MAST2: variants seen among roughly 807,000 people sequenced by gnomAD.
MAST2 encodes the protein microtubule-associated serine/threonine-protein kinase 2.
A neutral mutation model predicts 147.4 loss-of-function variants in MAST2; 70 were observed. The observed-to-expected ratio is 0.47, with a 90% CI of 0.39 to 0.58. MAST2 has a LOEUF of 0.58. Ranked by LOEUF, MAST2 falls within the 20% of genes least tolerant of loss-of-function variation. The probability of loss-of-function intolerance (pLI) is 0.00; values close to 1 mark genes in which losing one functional copy is unlikely to be tolerated. For synonymous variants in MAST2, 869 were observed against 896.8 expected, an observed-to-expected ratio of 0.97 and a Z score of 0.55; for missense variants, 2,080 against 2,302.3, an observed-to-expected ratio of 0.90 and a Z score of 1.98.
chr1:45,891,170 A>G (rs1440032665), intron 4 of MAST2, among the ~76,000 whole-genome samples: 1 of 152,186 alleles, frequency 6.6e-6, no homozygotes, highest in East Asian at 1.9e-4. Flanking sequence ...TTCACTGTAC[A>G]GAATTGATCA....
intron 1 of MAST2, among the ~76,000 whole-genome samples, chr1:45,816,621 A>G (rs1296654647): frequency 6.6e-6 from 1 of 152,192 alleles, no homozygotes; most frequent in Non-Finnish European, 1.5e-5. Context: ...CAGTTGATAT[A>G]CTAAGGAATG....
In MAST2 at chr1:46,006,343, G is replaced by T; in HGVS notation, c.850G>T (p.Asp284Tyr). Residue 284 changes from aspartate (D) to tyrosine (Y), a missense_variant, in exon 8 of 29, where the codon GAT becomes TAT. Transcript: ENST00000361297. ...GCATTTCAGCACAGAGAGCGTACCA[G>T]ATGAGGAAGGACGGCAGTCCCCAGC... ...TKHFSTESVP[D>Y]EEGRQSPAMR... is the part of the protein sequence containing the mutation. The T allele has an allele frequency of 6.2e-7, 1 of 1,613,880 alleles. No homozygotes were observed. Among genetic ancestry groups the T allele is most frequent in the Non-Finnish European group, 8.5e-7 (1 of 1,179,854 alleles).
chr1:45,865,010 C>CT (rs1646097705), intron 3 of MAST2: 1 of 434,090 alleles, frequency 2.3e-6, no homozygotes, highest in African/African-American at 2.0e-5. Context: ...TAGTGGTGTG[C>CT]TGAAAGGATT....
chr1:45,964,281 A>G (rs1053054324), intron 5 of MAST2, among the ~76,000 whole-genome samples: 1 of 152,182 alleles, frequency 6.6e-6, no homozygotes, highest in Non-Finnish European at 1.5e-5. Context: ...GAATAGTTTC[A>G]GAAGGAATAG....
intron 3 of MAST2, among the ~76,000 whole-genome samples, chr1:45,852,189 G>A (rs1255221013): frequency 6.6e-6 from 1 of 152,056 alleles, no homozygotes; most frequent in Non-Finnish European, 1.5e-5. Flanking sequence ...TACAAGTCAT[G>A]CAATCTCATC....
At chr1:46,022,427 G>A (rs1571245257) in intron 12 of MAST2, among the ~76,000 whole-genome samples, 1 of 152,176 alleles carries the variant, frequency 6.6e-6, no homozygotes, top group South Asian at 2.1e-4. Flanking sequence ...CACCTTACAG[G>A]TCTTCCTGTG....
chr1:45,832,452 A>T (rs570279816), intron 3 of MAST2, among the ~76,000 whole-genome samples: 9 of 151,566 alleles, frequency 5.9e-5, no homozygotes, highest in Non-Finnish European at 1.3e-4. Context: ...GTGCCACCTC[A>T]CCTGGCTATT....
chr1:45,939,690 C>T (rs567964860), intron 4 of MAST2, among the ~76,000 whole-genome samples: 2 of 152,162 alleles, frequency 1.3e-5, no homozygotes, highest in Admixed American at 6.5e-5. Flanking sequence ...CAGGCATGCA[C>T]CACCACACCT....
Position 45,931,377 on chromosome 1 carries a change from G to GTTTTTTTTTTTTTTTT in MAST2, c.501-28002_501-27987dup, listed in dbSNP as rs71587091. On this transcript the variant is annotated intron_variant, in intron 4 of 28. Transcript: ENST00000361297. Reference sequence around the variant, plus strand: ...TCACAAAAAGGTGGTATTGTGTTCTGTTTTTTTTTTTTTTTTTTTTTTGAG... The same window carrying GTTTTTTTTTTTTTTTT: ...TCACAAAAAGGTGGTATTGTGTTCTGTTTTTTTTTTTTTTTTTTTTTTTTTTTTTTTTTTTTTTGAG... 2.9e-4 allele frequency among the ~76,000 whole-genome samples: 29 copies of GTTTTTTTTTTTTTTTT among 101,176 alleles called. 1 individual carries two copies. The highest frequency in any genetic ancestry group is 4.0e-4 in the Non-Finnish European group (22 of 54,366). The allele number at this position is 101,176 out of a possible 152,430, so 66.4% of individuals were successfully genotyped here.
Position 45,813,658 on chromosome 1 carries a change from C to T in MAST2, c.177+9586C>T, listed in dbSNP as rs539129457. On this transcript the variant is annotated intron_variant, in intron 1 of 28. Transcript: ENST00000361297. The stretch of plus-strand genomic sequence containing the variant: ...GGATTACAGGCTTCTGCCACCACAC[C>T]TGGCTAATTTTTATATTTTTAGTAG... Among the ~76,000 whole-genome samples, 10 of 152,166 alleles carry T rather than the reference C, an allele frequency of 6.6e-5. No individual in the cohort carries two copies. The South Asian group carries it at 2.1e-3, about 32-fold the overall frequency.
chr1:45,900,178 A>AAAAAAAAC (rs1649521166), intron 4 of MAST2, among the ~76,000 whole-genome samples: 1 of 126,484 alleles, frequency 7.9e-6, no homozygotes, highest in African/African-American at 3.3e-5. Flanking sequence ...TCTCTCAAAA[A>AAAAAAAAC]AAAAAAAAAA....
chr1:45,824,384 T>A (rs1452185901), intron 1 of MAST2, 49 bp from the exon 2 acceptor site: 1 of 1,468,382 alleles, frequency 6.8e-7, no homozygotes, highest in East Asian at 2.3e-5. Flanking sequence ...GTTTTTATAC[T>A]TCAGAGGAGA....
rs758461401 is a variant in MAST2, at chr1:46,019,599, C to CA, written c.1193dup (p.His398GlnfsTer2). 3.7e-6 allele frequency: 6 copies of CA among 1,613,818 alleles called. No homozygotes were observed. Among genetic ancestry groups the CA allele is most frequent in the Non-Finnish European group, 4.2e-6 (5 of 1,179,782 alleles). On this transcript the variant is annotated frameshift_variant, in exon 11 of 29. Coordinates refer to ENST00000361297, the MANE Select transcript of MAST2 (RefSeq NM_015112.3). LOFTEE classifies it high-confidence loss of function. The stretch of plus-strand genomic sequence containing the variant: ...GCAACGCTTCTTTTCTCTATAGGCT[C>CA]ATGAGCGCTCAGAGAGCTCAGAAGT...
chr1:45,908,943 GT>G (rs1310675177), intron 4 of MAST2, among the ~76,000 whole-genome samples: 1 of 152,072 alleles, frequency 6.6e-6, no homozygotes, highest in Non-Finnish European at 1.5e-5. Context: ...TGTATATTTT[GT>G]CTATTCTTAT....
intron 1 of MAST2, among the ~76,000 whole-genome samples, chr1:45,820,791 G>T (rs1027944648): frequency 1.4e-5 from 2 of 142,396 alleles, no homozygotes; most frequent in Non-Finnish European, 3.0e-5. Flanking sequence ...ATGCCTTTTA[G>T]GATTTGATGT....
Position 46,006,309 on chromosome 1 carries a change from T to C in MAST2, c.816T>C (p.Phe272=). 2 of 1,613,934 alleles carry C rather than the reference T, an allele frequency of 1.2e-6. No individual in the cohort carries two copies. The highest frequency in any genetic ancestry group is 1.7e-6 in the Non-Finnish European group (2 of 1,179,894). The part of the protein sequence containing the change: ...PFQPTADELH[F]LTKHFSTESV... ...AGCCTACAGCTGATGAGCTGCACTT[T>C]TTGACGAAGCATTTCAGCACAGAGA... Residue 272 remains phenylalanine, a synonymous_variant, in exon 8 of 29, where the codon TTT becomes TTC. Coordinates refer to ENST00000361297, the MANE Select transcript of MAST2 (RefSeq NM_015112.3).
chr1:45,854,916 A>T (rs1337050570), intron 3 of MAST2, among the ~76,000 whole-genome samples: 2 of 152,224 alleles, frequency 1.3e-5, no homozygotes, highest in East Asian at 3.8e-4. Context: ...GATACAGATG[A>T]ACCACCAGGT....
intron 16 of MAST2, among the ~76,000 whole-genome samples, chr1:46,026,559 C>A (rs1298858512): frequency 3.3e-5 from 5 of 151,988 alleles, no homozygotes; most frequent in Non-Finnish European, 7.4e-5. Context: ...GCTCACTCTG[C>A]CGGTGAAAAG....
intron 4 of MAST2, among the ~76,000 whole-genome samples, chr1:45,903,806 G>A (rs1186044061): frequency 1.3e-5 from 2 of 152,180 alleles, no homozygotes; most frequent in Non-Finnish European, 2.9e-5. Flanking sequence ...TGAAAACATA[G>A]CCCAGGTGAC....
Sources: gnomAD v4.1 joint callset for allele counts (sites outside exome capture counted in the v4.1 genomes callset) on GRCh38, gnomAD v4.1.1 for gene constraint, MANE v1.5 for transcripts, NCBI Gene and HGNC (gene_info 2026-07-23, HGNC 2026-07-21) for gene names.